Variants in PATJ observed in about 807,000 individuals in gnomAD.
The protein encoded by PATJ is inaD-like protein.
PATJ carries 190 observed loss-of-function variants against 224.9 expected under a neutral mutation model. That is an observed-to-expected ratio of 0.84 (90% CI 0.75 to 0.95). The LOEUF (loss-of-function observed/expected upper bound fraction) is 0.95. Ranked by LOEUF, PATJ falls within the 40% of genes least tolerant of loss-of-function variation. The probability of loss-of-function intolerance (pLI) is 0.00; values close to 1 mark genes in which losing one functional copy is unlikely to be tolerated. For synonymous variants in PATJ, 769 were observed against 820.3 expected (o/e 0.94, Z 1.07); for missense variants, 2,121 against 2,270.3 (o/e 0.93, Z 1.34).
At chr1:61,925,373 A>G (rs1021583065) in intron 26 of PATJ, among the ~76,000 whole-genome samples, 3 of 152,354 alleles carry the variant, frequency 2.0e-5, no homozygotes, top group Middle Eastern at 3.4e-3. Context: ...TCTCATCCCA[A>G]CAAATAACTC....
At chr1:62,062,795 G>A (rs1490977156) in intron 31 of PATJ, among the ~76,000 whole-genome samples, 1 of 152,048 alleles carries the variant, frequency 6.6e-6, no homozygotes, top group Admixed American at 6.6e-5. Context: ...CTGTCCAGGT[G>A]TATGTCTTCT....
intron 27 of PATJ, among the ~76,000 whole-genome samples, chr1:61,951,116 G>C (rs1049915469): frequency 1.3e-5 from 2 of 151,520 alleles, no homozygotes; most frequent in Non-Finnish European, 2.9e-5. Context: ...CTGCACTTCA[G>C]CCTGGGCAAC....
chr1:61,911,840 G>T (rs1672703308), intron 25 of PATJ, among the ~76,000 whole-genome samples: 1 of 148,986 alleles, frequency 6.7e-6, no homozygotes, highest in African/African-American at 2.4e-5. Flanking sequence ...TCTGACTTAG[G>T]TTGTTATATG....
chr1:62,060,122 C>T (rs1166085774), intron 31 of PATJ, among the ~76,000 whole-genome samples: 1 of 152,096 alleles, frequency 6.6e-6, no homozygotes, highest in Non-Finnish European at 1.5e-5. Flanking sequence ...ATAATAATAG[C>T]AATACCATCC....
chr1:62,145,695 G>A (rs536327084), intron 41 of PATJ, among the ~76,000 whole-genome samples: 1 of 151,718 alleles, frequency 6.6e-6, no homozygotes, highest in South Asian at 2.1e-4. Context: ...AGTGGCTCAT[G>A]CCTGTAACTC....
At chr1:61,938,155 G>A (rs1465046803) in intron 27 of PATJ, among the ~76,000 whole-genome samples, 1 of 152,146 alleles carries the variant, frequency 6.6e-6, no homozygotes, top group Non-Finnish European at 1.5e-5. Flanking sequence ...GATGCTGATA[G>A]TACCCTCCCA....
At chr1:61,857,553 G>A (rs966832640) in intron 18 of PATJ, among the ~76,000 whole-genome samples, 2 of 152,218 alleles carry the variant, frequency 1.3e-5, no homozygotes, top group African/African-American at 4.8e-5. Flanking sequence ...AGATAGCTTG[G>A]TTGTAATAAA....
chr1:61,995,952 C>T (rs1424216589), intron 28 of PATJ, among the ~76,000 whole-genome samples: 1 of 152,138 alleles, frequency 6.6e-6, no homozygotes, highest in Non-Finnish European at 1.5e-5. Context: ...GTTCCAGAAG[C>T]AGCCAGAAGG....
chr1:61,835,081 T>C (rs1265423919), intron 17 of PATJ, among the ~76,000 whole-genome samples: 1 of 152,206 alleles, frequency 6.6e-6, no homozygotes. Flanking sequence ...AGAAATCTAT[T>C]TCATTTTTGC....
intron 27 of PATJ, among the ~76,000 whole-genome samples, chr1:61,959,446 T>C (rs1413868072): frequency 2.1e-5 from 3 of 144,384 alleles, no homozygotes; most frequent in East Asian, 2.0e-4. Flanking sequence ...TTTCTTTTTT[T>C]TTTTTTTGAG....
chr1:62,041,645 G>T (rs1333636361), intron 30 of PATJ, among the ~76,000 whole-genome samples: 1 of 152,154 alleles, frequency 6.6e-6, no homozygotes, highest in Non-Finnish European at 1.5e-5. Flanking sequence ...GTCTTTCAAA[G>T]AATAGCTGTT....
At chr1:61,933,304 G>A (rs1197015855) in intron 27 of PATJ, among the ~76,000 whole-genome samples, 1 of 152,038 alleles carries the variant, frequency 6.6e-6, no homozygotes, top group African/African-American at 2.4e-5. Flanking sequence ...ACTTTGGGAG[G>A]CTGAGGCAGG....
chr1:62,040,355 C>T (rs1052523869), intron 30 of PATJ, among the ~76,000 whole-genome samples: 4 of 151,986 alleles, frequency 2.6e-5, no homozygotes, highest in Non-Finnish European at 4.4e-5. Flanking sequence ...ATGATCTGCC[C>T]GTCTGGGCCT....
intron 1 of PATJ, among the ~76,000 whole-genome samples, chr1:61,756,174 G>A (rs901162405): frequency 2.6e-5 from 4 of 152,128 alleles, no homozygotes; most frequent in African/African-American, 9.7e-5. Context: ...TCCCAATTTC[G>A]ATACTTGTGC....
intron 16 of PATJ, among the ~76,000 whole-genome samples, chr1:61,828,424 G>C (rs1271756525): frequency 1.4e-5 from 2 of 147,958 alleles, no homozygotes; most frequent in Non-Finnish European, 3.0e-5. Context: ...TTTGAAACAG[G>C]ATCTCCCCAG....
At chr1:62,083,882 G>A (rs1465163631) in intron 32 of PATJ, among the ~76,000 whole-genome samples, 2 of 152,118 alleles carry the variant, frequency 1.3e-5, no homozygotes, top group Non-Finnish European at 2.9e-5. Context: ...TATTCTCATT[G>A]TAACATAGGC....
At chr1:61,970,378 C>G (rs1017101560) in intron 27 of PATJ, among the ~76,000 whole-genome samples, 13 of 151,940 alleles carry the variant, frequency 8.6e-5, no homozygotes, top group Admixed American at 7.2e-4. Flanking sequence ...TACATTGACA[C>G]GTCATTATCA....
At chr1:61,934,599 G>A (rs1676554313) in intron 27 of PATJ, among the ~76,000 whole-genome samples, 1 of 152,032 alleles carries the variant, frequency 6.6e-6, no homozygotes, top group Admixed American at 6.6e-5. Context: ...CACCTCCTTT[G>A]GAAAAGCTTG....
At chr1:62,145,057 C>T (rs764638906) in intron 41 of PATJ, among the ~76,000 whole-genome samples, 5 of 151,964 alleles carry the variant, frequency 3.3e-5, no homozygotes, top group Admixed American at 1.3e-4. Flanking sequence ...TCAAGTGATC[C>T]GCCCACCTCG....
Sources: gnomAD v4.1 joint callset for allele counts (sites outside exome capture counted in the v4.1 genomes callset) on GRCh38, gnomAD v4.1.1 for gene constraint, MANE v1.5 for transcripts, NCBI Gene and HGNC (gene_info 2026-07-23, HGNC 2026-07-21) for gene names.